The following WDR89 variants were observed in gnomAD, a reference collection of about 807,000 sequenced individuals.
WDR89 encodes the protein WD repeat-containing protein 89.
In WDR89, 17 loss-of-function variants were observed where a neutral mutation model predicts 29.1. The observed-to-expected ratio is 0.58, with a 90% confidence interval of 0.40 to 0.88. The LOEUF is 0.88. Ranked by LOEUF, WDR89 falls within the 40% of genes least tolerant of loss-of-function variation. The probability of loss-of-function intolerance (pLI) is 0.00; values close to 1 mark genes in which losing one functional copy is unlikely to be tolerated. For missense variants in WDR89, 396 were observed against 456.3 expected, an observed-to-expected ratio of 0.87 and a Z score of 1.20; for synonymous variants, 138 against 157.8, an observed-to-expected ratio of 0.87 and a Z score of 0.94.
chr14:63,625,904 A>G (rs1281622741), intron 1 of WDR89, among the ~76,000 whole-genome samples: 2 of 151,032 alleles, frequency 1.3e-5, no homozygotes, highest in Non-Finnish European at 2.9e-5. Flanking sequence ...ACCAGGCTCG[A>G]GAGCAGCAGC....
At chr14:63,606,130 T>A (rs2139501846) in intron 2 of WDR89, among the ~76,000 whole-genome samples, 1 of 152,192 alleles carries the variant, frequency 6.6e-6, no homozygotes, top group East Asian at 1.9e-4. Context: ...GTATTTTTGG[T>A]AGAGACAGGG....
intron 2 of WDR89, among the ~76,000 whole-genome samples, chr14:63,614,651 G>A (rs1212349748): frequency 6.6e-6 from 1 of 152,078 alleles, no homozygotes; most frequent in Non-Finnish European, 1.5e-5. Flanking sequence ...AGCATACACT[G>A]GTTTAATTTC....
intron 2 of WDR89, among the ~76,000 whole-genome samples, chr14:63,614,266 A>C (rs1882168343): frequency 6.6e-6 from 1 of 152,018 alleles, no homozygotes; most frequent in South Asian, 2.1e-4. Context: ...CGAGACATTC[A>C]AGTAGCTTAA....
intron 1 of WDR89, among the ~76,000 whole-genome samples, chr14:63,628,349 G>T (rs1451187260): frequency 3.3e-5 from 5 of 152,168 alleles, no homozygotes; most frequent in Non-Finnish European, 7.4e-5. Flanking sequence ...CTGTAATTTT[G>T]TTCTAACAGT....
At chr14:63,614,330 CAGGGTCT>C (rs1352900153) in intron 2 of WDR89, among the ~76,000 whole-genome samples, 3 of 146,816 alleles carry the variant, frequency 2.0e-5, no homozygotes, top group Non-Finnish European at 4.5e-5. Context: ...TTTTTTGAGA[CAGGGTCT>C]CACTCTGTGG....
chr14:63,638,962 TG>T (rs914939764), intron 1 of WDR89, among the ~76,000 whole-genome samples: 5 of 152,084 alleles, frequency 3.3e-5, no homozygotes, highest in Non-Finnish European at 4.4e-5. Context: ...CTTGTTTATC[TG>T]GGGGGGTCCT....
intron 2 of WDR89, chr14:63,601,753 T>C: frequency 7.3e-7 from 1 of 1,363,554 alleles, no homozygotes. Flanking sequence ...AAAGTAGTTC[T>C]AGATGACAAG....
chr14:63,620,108 A>T (rs1274176897), intron 2 of WDR89, among the ~76,000 whole-genome samples: 1 of 152,150 alleles, frequency 6.6e-6, no homozygotes, highest in African/African-American at 2.4e-5. Context: ...TAAGATATAG[A>T]ATCAATCTAA....
At position 63,598,719 on chromosome 14, in the gene WDR89, G is replaced by A; in HGVS notation, c.*60C>T. 7.0e-7 allele frequency: 1 copy of A among 1,432,944 alleles called. No individual in the cohort carries two copies. Among genetic ancestry groups the A allele is most frequent in the Non-Finnish European group, 9.3e-7 (1 of 1,078,192 alleles). 88.8% of individuals were successfully genotyped at this position (1,432,944 alleles called of 1,614,324 possible). ...GCTTTAAACATGTCTACCATGGGTA[G>A]TAAACAAGAAGGACTATTTGAAACT... On this transcript the variant is annotated 3_prime_UTR_variant, in exon 3 of 3. Coordinates refer to ENST00000620954, the MANE Select transcript of WDR89 (RefSeq NM_080666.4).
At chr14:63,623,335 G>T (rs1882826677) in intron 2 of WDR89, among the ~76,000 whole-genome samples, 1 of 150,476 alleles carries the variant, frequency 6.6e-6, no homozygotes, top group Non-Finnish European at 1.5e-5. Context: ...AAAAGAAAAA[G>T]ATGAAAAAAG....
chr14:63,614,432 C>T (rs1236199698), intron 2 of WDR89, among the ~76,000 whole-genome samples: 2 of 151,902 alleles, frequency 1.3e-5, no homozygotes, highest in African/African-American at 4.8e-5. Flanking sequence ...CTACCTCAGC[C>T]TCCCAAGCAG....
chr14:63,619,245 C>G (rs1882517051), intron 2 of WDR89, among the ~76,000 whole-genome samples: 1 of 152,170 alleles, frequency 6.6e-6, no homozygotes, highest in South Asian at 2.1e-4. Flanking sequence ...CAGCTCATAG[C>G]TGAAGGAATT....
Position 63,598,989 on chromosome 14 carries a change from T to G in WDR89, c.954A>C (p.Gly318=), listed in dbSNP as rs781494019. 4 of 1,614,202 alleles carry G rather than the reference T, an allele frequency of 2.5e-6. No individual in the cohort carries two copies. Among genetic ancestry groups the G allele is most frequent in the Non-Finnish European group, 3.4e-6 (4 of 1,180,014 alleles). The stretch of plus-strand genomic sequence containing the variant: ...AAGAACGGACTGTAGCAGCATGCCC[T>G]CCCTGAAGGCTAGTCACATGGGTCA... ...SGLTHVTSLQ[G]GHAATVRSFC... Residue 318 remains glycine (G), a synonymous_variant, in exon 3 of 3, where the codon GGA becomes GGC. Transcript: ENST00000620954.
chr14:63,615,949 A>T (rs1386165248), intron 2 of WDR89, among the ~76,000 whole-genome samples: 1 of 151,066 alleles, frequency 6.6e-6, no homozygotes, highest in Non-Finnish European at 1.5e-5. Flanking sequence ...AAAGAATACA[A>T]AAACAATTCT....
At chr14:63,615,707 A>C (rs1399411436) in intron 2 of WDR89, among the ~76,000 whole-genome samples, 1 of 152,158 alleles carries the variant, frequency 6.6e-6, no homozygotes, top group Non-Finnish European at 1.5e-5. Flanking sequence ...CAGGCAGATC[A>C]TGAGGACAGG....
chr14:63,606,374 T>C (rs1895322313), intron 2 of WDR89, among the ~76,000 whole-genome samples: 1 of 152,200 alleles, frequency 6.6e-6, no homozygotes, highest in Non-Finnish European at 1.5e-5. Context: ...AGCTGTACAA[T>C]GTGTTTGTGT....
intron 1 of WDR89, among the ~76,000 whole-genome samples, chr14:63,629,366 T>C (rs951964980): frequency 2.0e-5 from 3 of 152,254 alleles, no homozygotes; most frequent in African/African-American, 4.8e-5. Flanking sequence ...AAATGCTTGC[T>C]ACATGTGCTG....
At chr14:63,603,292 G>A (rs1420467044) in intron 2 of WDR89, among the ~76,000 whole-genome samples, 5 of 151,708 alleles carry the variant, frequency 3.3e-5, no homozygotes, top group African/African-American at 9.7e-5. Flanking sequence ...ACACCCCACT[G>A]CTTTTTAAAA....
chr14:63,607,894 A>AAG lies in WDR89; in HGVS notation c.-31-7922_-31-7921insCT, dbSNP rs1555374096. Reference sequence around the variant, plus strand: ...GAAAGTCTGACTCAAAAAAAAAAAAAAAAGAAAAGAAAAAGGAAAGAAACC... The same window carrying AAG: ...GAAAGTCTGACTCAAAAAAAAAAAAAAGAAAGAAAAGAAAAAGGAAAGAAACC... On this transcript the variant is annotated intron_variant, in intron 2 of 2. Transcript: ENST00000620954. Among the ~76,000 whole-genome samples the AAG allele has an allele frequency of 9.9e-3, 1,493 of 150,688 alleles. 38 individuals are homozygous for AAG. Among genetic ancestry groups the AAG allele is most frequent in the African/African-American group, 0.035 (1,415 of 40,920 alleles).
Sources: gnomAD v4.1 joint callset for allele counts (sites outside exome capture counted in the v4.1 genomes callset) on GRCh38, gnomAD v4.1.1 for gene constraint, MANE v1.5 for transcripts, NCBI Gene and HGNC (gene_info 2026-07-23, HGNC 2026-07-21) for gene names.